The following DSCAM variants were observed in gnomAD, a reference collection of about 807,000 sequenced individuals.
The protein encoded by DSCAM is DS cell adhesion molecule.
DSCAM carries 47 observed loss-of-function variants against 217.7 expected under a neutral mutation model. That is an observed-to-expected ratio of 0.22 (90% confidence interval 0.17 to 0.28). DSCAM has a LOEUF of 0.28. Among genes scored for constraint, DSCAM ranks in the 10% least tolerant of loss-of-function variants. The pLI, the probability that DSCAM is intolerant of heterozygous loss-of-function variation, is 1.00. For missense variants in DSCAM, 2,080 were observed against 2,618.3 expected (o/e 0.79, Z 4.49); for synonymous variants, 1,056 against 1,015.3 (o/e 1.04, Z -0.76).
chr21:40,720,416 C>G (rs548608035), intron 1 of DSCAM, among the ~76,000 whole-genome samples: 3 of 152,268 alleles, frequency 2.0e-5, no homozygotes, highest in Admixed American at 2.0e-4. Flanking sequence ...CTTATAATGA[C>G]TTGGAAAGCA....
chr21:40,328,991 AT>A (rs1161114037), intron 8 of DSCAM, among the ~76,000 whole-genome samples: 1 of 152,252 alleles, frequency 6.6e-6, no homozygotes, highest in African/African-American at 2.4e-5. Context: ...TAGAATGGCT[AT>A]TATAAAAAAC....
intron 16 of DSCAM, among the ~76,000 whole-genome samples, chr21:40,156,441 C>T (rs2090480647): frequency 6.6e-6 from 1 of 152,050 alleles, no homozygotes; most frequent in Admixed American, 6.6e-5. Flanking sequence ...AGAGAAGATC[C>T]AGGTCTCAGA....
chr21:40,687,530 C>T (rs573926980), intron 3 of DSCAM, among the ~76,000 whole-genome samples: 1 of 152,072 alleles, frequency 6.6e-6, no homozygotes, highest in East Asian at 1.9e-4. Flanking sequence ...ACCCTCAGGT[C>T]CCCCCGACAG....
At chr21:40,475,657 C>G (rs1198539901) in intron 3 of DSCAM, among the ~76,000 whole-genome samples, 3 of 152,034 alleles carry the variant, frequency 2.0e-5, no homozygotes, top group African/African-American at 2.4e-5. Context: ...ATGGTGAGAC[C>G]CCATCTCTAC....
At chr21:40,643,010 GT>G (rs1184541155) in intron 3 of DSCAM, among the ~76,000 whole-genome samples, 1 of 152,192 alleles carries the variant, frequency 6.6e-6, no homozygotes, top group Non-Finnish European at 1.5e-5. Flanking sequence ...GCTGCTGTGT[GT>G]TTCAGGCTCC....
chr21:40,596,722 C>T (rs1018555261), intron 3 of DSCAM, among the ~76,000 whole-genome samples: 6 of 152,114 alleles, frequency 3.9e-5, no homozygotes, highest in African/African-American at 1.4e-4. Flanking sequence ...TTAAGAAAAA[C>T]TAGTGAACTC....
intron 3 of DSCAM, among the ~76,000 whole-genome samples, chr21:40,638,878 G>A (rs1384045268): frequency 1.3e-5 from 2 of 148,652 alleles, no homozygotes; most frequent in Non-Finnish European, 3.0e-5. Context: ...AAACATGAAT[G>A]TTGGGTATTT....
Position 40,087,201 on chromosome 21 carries a change from G to A in DSCAM, c.3937C>T (p.Pro1313Ser). The change falls in exon 22 of 33, where the codon CCT becomes TCT. Residue 1313 changes from proline to serine, a missense_variant. Around this residue, in one of 5 missense-constraint regions of DSCAM, gnomAD observed 1,144 missense variants for 1,421.1 expected, o/e 0.81. Coordinates refer to ENST00000400454, the MANE Select transcript of DSCAM (RefSeq NM_001389.5). ...IVLPCKAVGD[P>S]SPAVKWMKDS... is the part of the protein sequence containing the mutation. ...TTCATCCATTTGACTGCAGGAGAAG[G>A]GTCCCCAACAGCCTTACAAGGCAAG... The A allele has an allele frequency of 6.2e-7, 1 of 1,613,986 alleles. No homozygotes were observed.
chr21:40,714,697 T>C lies in DSCAM; in HGVS notation c.44-5926A>G, dbSNP rs76483086. Among the ~76,000 whole-genome samples, 498 of 152,330 alleles carry C rather than the reference T, an allele frequency of 3.3e-3. 2 individuals are homozygous for C. The highest frequency in any genetic ancestry group is 0.011 in the African/African-American group (474 of 41,576). The stretch of plus-strand genomic sequence containing the variant: ...ATGAATCATGCCTGAGTCTCACTCA[T>C]ATCTGATTCAGATGAGACTTTGGAC... On this transcript the variant is annotated intron_variant, in intron 1 of 32. Coordinates refer to ENST00000400454, the MANE Select transcript of DSCAM (RefSeq NM_001389.5).
At chr21:40,615,902 A>G (rs1200234522) in intron 3 of DSCAM, among the ~76,000 whole-genome samples, 1 of 152,138 alleles carries the variant, frequency 6.6e-6, no homozygotes, top group Non-Finnish European at 1.5e-5. Context: ...TCCCTAGAAC[A>G]CCAGCCCAAG....
chr21:40,013,268 C>A lies in DSCAM; in HGVS notation c.5805G>T (p.Arg1935=). Reference sequence around the variant, plus strand: ...CCAGGACCGTGGGGCGCTTCAGGGTCCGGCTTTTCTGAGGTTCCAAGCATG... The same window carrying A: ...CCAGGACCGTGGGGCGCTTCAGGGTACGGCTTTTCTGAGGTTCCAAGCATG... The part of the protein sequence containing the change: ...GQACLEPQKS[R]TLKRPTVLEP... Residue 1935 remains arginine, a synonymous_variant, in exon 33 of 33, where the codon CGG becomes CGT. Coordinates refer to ENST00000400454, the MANE Select transcript of DSCAM (RefSeq NM_001389.5). 1 of 1,613,804 alleles carries A rather than the reference C, an allele frequency of 6.2e-7. No individual in the cohort carries two copies. The highest frequency in any genetic ancestry group is 8.5e-7 in the Non-Finnish European group (1 of 1,179,894).
At chr21:40,685,310 G>A (rs2090461287) in intron 3 of DSCAM, among the ~76,000 whole-genome samples, 1 of 152,172 alleles carries the variant, frequency 6.6e-6, no homozygotes, top group Non-Finnish European at 1.5e-5. Flanking sequence ...CTGGTATCTG[G>A]GAACTAGGAT....
At chr21:40,655,692 A>T (rs1202652851) in intron 3 of DSCAM, among the ~76,000 whole-genome samples, 2 of 151,782 alleles carry the variant, frequency 1.3e-5, no homozygotes, top group East Asian at 3.9e-4. Context: ...GATGCAAGTG[A>T]TCCTCCTGCT....
At chr21:40,626,544 T>C (rs1601801572) in intron 3 of DSCAM, among the ~76,000 whole-genome samples, 2 of 152,218 alleles carry the variant, frequency 1.3e-5, no homozygotes, top group Non-Finnish European at 2.9e-5. Flanking sequence ...CTCCATTGCC[T>C]CCCAGCCTCT....
At chr21:40,371,046 G>A (rs1170609865) in intron 3 of DSCAM, among the ~76,000 whole-genome samples, 1 of 152,160 alleles carries the variant, frequency 6.6e-6, no homozygotes, top group Non-Finnish European at 1.5e-5. Context: ...CCTTGTATAA[G>A]CTTTTCAAAG....
At chr21:40,427,666 T>A (rs1569118180) in intron 3 of DSCAM, among the ~76,000 whole-genome samples, 2 of 152,088 alleles carry the variant, frequency 1.3e-5, no homozygotes, top group South Asian at 2.1e-4. Context: ...GGGAAAGAGT[T>A]AGGGAGAGGA....
intron 28 of DSCAM, among the ~76,000 whole-genome samples, chr21:40,057,432 T>A (rs576629665): frequency 1.3e-5 from 2 of 152,334 alleles, no homozygotes; most frequent in South Asian, 4.1e-4. Context: ...ACTACTCCTC[T>A]GTGAATATCC....
At chr21:40,275,748 C>T (rs1001657596) in intron 11 of DSCAM, among the ~76,000 whole-genome samples, 5 of 152,074 alleles carry the variant, frequency 3.3e-5, no homozygotes, top group African/African-American at 7.2e-5. Context: ...AGTTTTTCCA[C>T]GGGAAAATCA....
rs900906041 is a variant in DSCAM, at chr21:40,078,701, A to G, written c.4697T>C (p.Leu1566Pro). The G allele has an allele frequency of 1.9e-6, 3 of 1,613,674 alleles. No homozygotes were observed. Among genetic ancestry groups the G allele is most frequent in the Non-Finnish European group, 2.5e-6 (3 of 1,179,666 alleles). ...CAEKQANFAT[L>P]NYDGSTIPPL... Reference sequence around the variant, plus strand: ...AGCCAGCTTACTGCCATCGTAGTTCAGCGTAGCGAAGTTGGCCTGCTTCTC... The same window carrying G: ...AGCCAGCTTACTGCCATCGTAGTTCGGCGTAGCGAAGTTGGCCTGCTTCTC... The change falls in exon 26 of 33, where the codon CTG becomes CCG. Residue 1566 changes from leucine (L) to proline (P), a missense_variant. Physicochemically the swap from Leu to Pro is moderately conservative, Grantham distance 98 (BLOSUM62 -3). Transcript: ENST00000400454.
Sources: allele counts gnomAD v4.1 joint callset (sites outside exome capture counted in the v4.1 genomes callset), GRCh38; gene constraint gnomAD v4.1.1; regional missense constraint gnomAD v4.1.1; transcripts MANE v1.5; gene names NCBI Gene and HGNC (gene_info 2026-07-23, HGNC 2026-07-21).